The following RGS8 variants were observed in gnomAD, a reference collection of about 807,000 sequenced individuals.
The protein encoded by RGS8 is regulator of G protein signaling 8.
In RGS8, 8 loss-of-function variants were observed where a neutral mutation model predicts 21.7. That is an observed-to-expected ratio of 0.37 (90% CI 0.22 to 0.66). The LOEUF is 0.66. Among genes scored for constraint, RGS8 ranks in the 30% least tolerant of loss-of-function variants. The pLI, the probability that RGS8 is intolerant of heterozygous loss-of-function variation, is 0.59. For missense variants in RGS8, 157 were observed against 217.9 expected (o/e 0.72, Z 1.76); for synonymous variants, 80 against 83.6 (o/e 0.96, Z 0.24).
At chr1:182,660,671 T>A (rs934310304) in intron 5 of RGS8, among the ~76,000 whole-genome samples, 1 of 149,672 alleles carries the variant, frequency 6.7e-6, no homozygotes, top group Non-Finnish European at 1.5e-5. Context: ...ATACAGTCTT[T>A]AGTATGTTTC....
At chr1:182,672,905 G>C, upstream of RGS8, 1 of 1,561,932 alleles carries the variant, frequency 6.4e-7, no homozygotes, top group East Asian at 2.2e-5. Flanking sequence ...TCCAAGCGTG[G>C]TCCCTGAACC....
the RGS8 span, among the ~76,000 whole-genome samples, chr1:182,695,262 T>C: frequency 1.3e-5 from 2 of 152,218 alleles, no homozygotes; most frequent in African/African-American, 2.4e-5. Flanking sequence ...GGAAAAGACT[T>C]TGGCCCCTCC....
chr1:182,680,832 G>A (rs932526684), intron 1 of RGS8, among the ~76,000 whole-genome samples: 3 of 152,218 alleles, frequency 2.0e-5, no homozygotes, highest in Non-Finnish European at 4.4e-5. Context: ...CCCCCCAGCA[G>A]GTAGGTGAGG....
chr1:182,689,440 G>A (rs762548178), upstream of RGS8, among the ~76,000 whole-genome samples: 2 of 152,088 alleles, frequency 1.3e-5, no homozygotes, highest in African/African-American at 2.4e-5. Context: ...GTCTTTCTTT[G>A]CTCTCCTATA....
downstream of RGS8, chr1:182,643,271 G>A (rs1431590923): frequency 6.6e-6 from 1 of 150,632 alleles, no homozygotes; most frequent in East Asian, 1.9e-4. Flanking sequence ...GCTTGCATGT[G>A]GAGATACACC....
At chr1:182,703,805 G>C in the RGS8 span, among the ~76,000 whole-genome samples, 1 of 152,200 alleles carries the variant, frequency 6.6e-6, no homozygotes, top group Non-Finnish European at 1.5e-5. Flanking sequence ...GGGAAGTCAG[G>C]GAGGGGTGAT....
upstream of RGS8, among the ~76,000 whole-genome samples, chr1:182,686,605 G>T (rs974138067): frequency 2.0e-5 from 3 of 152,192 alleles, no homozygotes; most frequent in African/African-American, 4.8e-5. Context: ...TTAAGGCTAA[G>T]GGACCTAGGA....
the RGS8 span, among the ~76,000 whole-genome samples, chr1:182,695,028 T>A: frequency 1.3e-5 from 2 of 152,186 alleles, no homozygotes; most frequent in Admixed American, 6.5e-5. Flanking sequence ...TTCTCTCATT[T>A]TTCTGTGTTC....
the RGS8 span, among the ~76,000 whole-genome samples, chr1:182,740,985 T>C: frequency 4.6e-5 from 7 of 152,030 alleles, no homozygotes; most frequent in African/African-American, 1.4e-4. Flanking sequence ...CCATCCGATT[T>C]CTCAATCTTT....
the RGS8 span, among the ~76,000 whole-genome samples, chr1:182,731,037 A>T: frequency 5.9e-5 from 9 of 152,168 alleles, no homozygotes; most frequent in Non-Finnish European, 1.2e-4. Flanking sequence ...ATTTCTAAAG[A>T]AAAGAGTTTA....
At chr1:182,743,641 T>C in the RGS8 span, among the ~76,000 whole-genome samples, 1 of 152,212 alleles carries the variant, frequency 6.6e-6, no homozygotes, top group Non-Finnish European at 1.5e-5. Flanking sequence ...AATATTCCTG[T>C]CTCAGGGTCT....
the RGS8 span, among the ~76,000 whole-genome samples, chr1:182,712,134 T>C: frequency 6.6e-6 from 1 of 152,208 alleles, no homozygotes; most frequent in Non-Finnish European, 1.5e-5. Context: ...AGAGCTGGAA[T>C]TCAGATCTAA....
chr1:182,669,598 A>T, intron 3 of RGS8, 26 bp downstream of exon 4: 2 of 1,614,258 alleles, frequency 1.2e-6, no homozygotes, highest in Non-Finnish European at 1.7e-6. Context: ...GGTCAGGGGC[A>T]AGAAAACAGG....
At chr1:182,660,769 G>A (rs1663545725) in intron 5 of RGS8, among the ~76,000 whole-genome samples, 1 of 151,706 alleles carries the variant, frequency 6.6e-6, no homozygotes, top group Non-Finnish European at 1.5e-5. Flanking sequence ...TTCTCAAGCT[G>A]AGATGTGCAT....
At chr1:182,672,952 C>G, upstream of RGS8, 1 of 1,153,750 alleles carries the variant, frequency 8.7e-7, no homozygotes, top group African/African-American at 1.5e-5. Flanking sequence ...ATCAGAAATG[C>G]AAATGTTCAG....
intron 5 of RGS8, among the ~76,000 whole-genome samples, chr1:182,655,851 G>A (rs1021566331): frequency 3.3e-5 from 5 of 152,044 alleles, no homozygotes; most frequent in East Asian, 1.9e-4. Context: ...TGTCATCACC[G>A]AGTTCTGTGC....
the RGS8 span, among the ~76,000 whole-genome samples, chr1:182,724,804 C>T: frequency 1.3e-5 from 2 of 152,200 alleles, no homozygotes; most frequent in Middle Eastern, 3.4e-3. Context: ...GTGATCAACC[C>T]GCCTCGGCCT....
the RGS8 span, among the ~76,000 whole-genome samples, chr1:182,694,733 A>G: frequency 1.3e-5 from 2 of 151,674 alleles, no homozygotes; most frequent in African/African-American, 2.4e-5. Flanking sequence ...ATTTGAACCC[A>G]GGAGACAGAG....
chr1:182,658,801 C>T (rs1257439310), intron 5 of RGS8: 1 of 152,240 alleles, frequency 6.6e-6, no homozygotes, highest in Non-Finnish European at 1.5e-5. Context: ...GAGCTATGAT[C>T]ATGCTACTGC....
Sources: gnomAD v4.1 joint callset for allele counts (sites outside exome capture counted in the v4.1 genomes callset) on GRCh38, gnomAD v4.1.1 for gene constraint, MANE v1.5 for transcripts, NCBI Gene and HGNC (gene_info 2026-07-23, HGNC 2026-07-21) for gene names.